HS3ST4: variants seen among roughly 807,000 people sequenced by gnomAD.
The protein encoded by HS3ST4 is heparan sulfate-glucosamine 3-sulfotransferase 4.
In HS3ST4, 17 loss-of-function variants were observed where a neutral mutation model predicts 29.2. The observed-to-expected ratio is 0.58, with a 90% CI of 0.40 to 0.87. The LOEUF (loss-of-function observed/expected upper bound fraction) is 0.87. HS3ST4 is among the 40% of genes least tolerant of loss of function. HS3ST4 has a pLI of 0.00. For synonymous variants in HS3ST4, 314 were observed against 285.7 expected (o/e 1.10, Z -1.00); for missense variants, 627 against 634.5 (o/e 0.99, Z 0.13).
At chr16:25,884,854 C>T (rs182108697) in intron 1 of HS3ST4, among the ~76,000 whole-genome samples, 22 of 152,288 alleles carry the variant, frequency 1.4e-4, no homozygotes, top group Admixed American at 7.2e-4. Flanking sequence ...GGATTACAGG[C>T]GTCAACCACT....
Position 25,979,134 on chromosome 16 carries a change from T to C in HS3ST4, c.735-156478T>C, listed in dbSNP as rs554358508. ...CTGGTCTCGAACTCCGGACCTCAGG[T>C]GATCCGCCTGCCTCGGCCTCCCAAG... On this transcript the variant is annotated intron_variant, in intron 1 of 1. Transcript: ENST00000331351. 2.6e-5 allele frequency among the ~76,000 whole-genome samples: 4 copies of C among 152,194 alleles called. No individual in the cohort carries two copies. In the East Asian group the frequency reaches 7.7e-4, roughly 29 times the overall value.
chr16:25,752,851 C>T (rs1966730905), intron 1 of HS3ST4, among the ~76,000 whole-genome samples: 1 of 152,194 alleles, frequency 6.6e-6, no homozygotes, highest in Admixed American at 6.5e-5. Context: ...TGCTGGGGCC[C>T]TGCAATTACA....
intron 1 of HS3ST4, among the ~76,000 whole-genome samples, chr16:25,918,034 G>A (rs1157465295): frequency 6.6e-6 from 1 of 152,166 alleles, no homozygotes; most frequent in Non-Finnish European, 1.5e-5. Context: ...GTGGGGGGGA[G>A]CATCGTCTGT....
intron 1 of HS3ST4, among the ~76,000 whole-genome samples, chr16:25,738,169 G>A (rs1299377470): frequency 6.6e-6 from 1 of 152,080 alleles, no homozygotes; most frequent in African/African-American, 2.4e-5. Flanking sequence ...CTGCCCAAAT[G>A]CTGGGATTAC....
At chr16:26,038,837 C>A (rs1969608528) in intron 1 of HS3ST4, among the ~76,000 whole-genome samples, 1 of 152,058 alleles carries the variant, frequency 6.6e-6, no homozygotes, top group Admixed American at 6.6e-5. Context: ...TCATCTGCCA[C>A]CACGCCCGGC....
intron 1 of HS3ST4, among the ~76,000 whole-genome samples, chr16:25,783,471 G>T (rs867249672): frequency 1.2e-4 from 18 of 146,442 alleles, no homozygotes; most frequent in Admixed American, 1.4e-4. Flanking sequence ...GCCAATTCTA[G>T]TTTTTTTTTT....
chr16:25,864,867 AAT>A (rs980459446), intron 1 of HS3ST4, among the ~76,000 whole-genome samples: 1 of 150,862 alleles, frequency 6.6e-6, no homozygotes, highest in African/African-American at 2.4e-5. Context: ...TGCAATCCTG[AAT>A]ATATATATAC....
At chr16:25,760,273 G>A (rs758368087) in intron 1 of HS3ST4, among the ~76,000 whole-genome samples, 4 of 152,148 alleles carry the variant, frequency 2.6e-5, no homozygotes, top group Non-Finnish European at 5.9e-5. Context: ...AGAGAGGTTG[G>A]TTTCTTTGGA....
chr16:25,838,519 C>A (rs1311914992), intron 1 of HS3ST4, among the ~76,000 whole-genome samples: 2 of 152,188 alleles, frequency 1.3e-5, no homozygotes. Flanking sequence ...TCTTCCATCT[C>A]TCTGTTACTG....
chr16:25,713,344 A>G (rs566645553), intron 1 of HS3ST4, among the ~76,000 whole-genome samples: 1 of 152,158 alleles, frequency 6.6e-6, no homozygotes, highest in South Asian at 2.1e-4. Context: ...CCTGGGCAAC[A>G]TAGTGAGACC....
intron 1 of HS3ST4, among the ~76,000 whole-genome samples, chr16:26,106,855 G>C (rs987591064): frequency 2.0e-5 from 3 of 152,192 alleles, no homozygotes; most frequent in African/African-American, 7.2e-5. Flanking sequence ...CTTCTGCTGA[G>C]TGCAGCATGA....
At chr16:25,756,037 A>G (rs1408061031) in intron 1 of HS3ST4, among the ~76,000 whole-genome samples, 1 of 152,108 alleles carries the variant, frequency 6.6e-6, no homozygotes, top group Non-Finnish European at 1.5e-5. Context: ...GAAGTGAAGA[A>G]TATTCCTTGA....
chr16:26,112,544 A>G (rs1265074453), intron 1 of HS3ST4, among the ~76,000 whole-genome samples: 2 of 152,084 alleles, frequency 1.3e-5, no homozygotes, highest in African/African-American at 2.4e-5. Context: ...ATTAGACTAC[A>G]TTAACATTAA....
In HS3ST4 at chr16:25,999,873, T is replaced by TTATATATAATA. The variant is rs1567290801; in HGVS notation, c.735-135731_735-135730insATATATATATA. ...ATATATTATATATATATTATATATTTTATATATATTATATATATATATTTT... is the reference window on the plus strand; with the variant it reads ...ATATATTATATATATATTATATATTTTATATATAATATATATATATTATATATATATATTTT... On this transcript the variant is annotated intron_variant, in intron 1 of 1. Coordinates refer to ENST00000331351, the MANE Select transcript of HS3ST4 (RefSeq NM_006040.3). Among the ~76,000 whole-genome samples the TTATATATAATA allele has an allele frequency of 6.9e-3, 872 of 125,566 alleles. 10 individuals carry two copies. Among genetic ancestry groups the TTATATATAATA allele is most frequent in the African/African-American group, 0.026 (841 of 32,736 alleles). The allele number at this position is 125,566 out of a possible 152,430, so 82.4% of individuals were successfully genotyped here.
intron 1 of HS3ST4, among the ~76,000 whole-genome samples, chr16:25,943,227 A>G (rs1968591166): frequency 6.6e-6 from 1 of 152,232 alleles, no homozygotes; most frequent in African/African-American, 2.4e-5. Flanking sequence ...CCTTGGAAAT[A>G]TATATGGAGG....
At chr16:25,832,278 A>G (rs117553494) in intron 1 of HS3ST4, among the ~76,000 whole-genome samples, 5,091 of 152,260 alleles carry the variant, frequency 0.033, 121 homozygotes, top group Non-Finnish European at 0.05. Context: ...AGTCCTCATT[A>G]TTAATCCATA....
intron 1 of HS3ST4, among the ~76,000 whole-genome samples, chr16:25,733,701 G>T (rs753714694): frequency 7.2e-5 from 11 of 152,080 alleles, no homozygotes; most frequent in African/African-American, 2.4e-4. Flanking sequence ...GGGGGGAAAC[G>T]CATCACTTGC....
At chr16:26,116,967 C>A (rs942613791) in intron 1 of HS3ST4, among the ~76,000 whole-genome samples, 5 of 152,214 alleles carry the variant, frequency 3.3e-5, no homozygotes, top group Admixed American at 6.5e-5. Context: ...TGAAACACTT[C>A]TGGTCCCAAG....
At chr16:25,987,161 A>T (rs1003182931) in intron 1 of HS3ST4, among the ~76,000 whole-genome samples, 1 of 150,180 alleles carries the variant, frequency 6.7e-6, no homozygotes, top group Non-Finnish European at 1.5e-5. Flanking sequence ...AACCAGCCTG[A>T]CCAACATAGA....
Sources: gnomAD v4.1 joint callset for allele counts (sites outside exome capture counted in the v4.1 genomes callset) on GRCh38, gnomAD v4.1.1 for gene constraint, MANE v1.5 for transcripts, NCBI Gene and HGNC (gene_info 2026-07-23, HGNC 2026-07-21) for gene names.